Variants in IQSEC3 observed in about 807,000 individuals in gnomAD.
IQSEC3 encodes the protein IQ motif and SEC7 domain-containing protein 3.
A neutral mutation model predicts 105.4 loss-of-function variants in IQSEC3; 50 were observed. That is an observed-to-expected ratio of 0.47 (90% confidence interval 0.38 to 0.60). IQSEC3 has a LOEUF of 0.60. Ranked by LOEUF, IQSEC3 falls within the 20% of genes least tolerant of loss-of-function variation. The pLI, the probability that IQSEC3 is intolerant of heterozygous loss-of-function variation, is 0.00. For synonymous variants in IQSEC3, 708 were observed against 746.0 expected (o/e 0.95, Z 0.83); for missense variants, 1,415 against 1,630.0 (o/e 0.87, Z 2.27).
At chr12:144,809 A>T (rs1866193788) in intron 5 of IQSEC3, among the ~76,000 whole-genome samples, 1 of 152,244 alleles carries the variant, frequency 6.6e-6, no homozygotes, top group African/African-American at 2.4e-5. Context: ...AAAGAGCCAC[A>T]CCCATTCCAG....
intron 2 of IQSEC3, chr12:106,950 G>C (rs1356595588): frequency 6.6e-6 from 1 of 152,184 alleles, no homozygotes; most frequent in Non-Finnish European, 1.5e-5. Flanking sequence ...TATAGCAAGA[G>C]TGATTTGATC....
At chr12:126,436 C>G (rs1865412162) in intron 3 of IQSEC3, among the ~76,000 whole-genome samples, 1 of 152,188 alleles carries the variant, frequency 6.6e-6, no homozygotes. Context: ...GGGCCTGGGC[C>G]TCCATTTTCC....
intron 1 of IQSEC3, among the ~76,000 whole-genome samples, chr12:77,958 C>G (rs569702792): frequency 2.0e-4 from 30 of 152,054 alleles, no homozygotes; most frequent in African/African-American, 7.0e-4. Flanking sequence ...CGCGCCCCCT[C>G]CCAGCGTCCA....
intron 2 of IQSEC3, among the ~76,000 whole-genome samples, chr12:115,931 G>C (rs1223181174): frequency 1.3e-5 from 2 of 152,178 alleles, no homozygotes; most frequent in Admixed American, 1.3e-4. Context: ...AAGACACCAA[G>C]AGCGATAAGA....
chr12:73,820 T>C (rs1228590083), intron 1 of IQSEC3, among the ~76,000 whole-genome samples: 6 of 152,278 alleles, frequency 3.9e-5, no homozygotes, highest in African/African-American at 9.6e-5. Flanking sequence ...TGCTCTATTC[T>C]CATTTAGCCA....
chr12:138,345 C>G lies in IQSEC3; in HGVS notation c.982C>G (p.Gln328Glu). The G allele has an allele frequency of 6.2e-7, 1 of 1,613,796 alleles. No individual in the cohort carries two copies. The change falls in exon 4 of 14, where the codon CAA becomes GAA. Residue 328 changes from glutamine to glutamate, a missense_variant. This residue lies in a region of IQSEC3 where 720 missense variants were observed against 633.0 expected (regional missense o/e 1.14). Transcript: ENST00000538872. The surrounding 1 kb of genome is among the most constrained non-coding windows in gnomAD (Gnocchi z 7.1). ...TTGCACCATCCAAACCGCCTTCCGCCAATACCAGCTCAGCAAGAACTTCGA... is the reference window on the plus strand; with the variant it reads ...TTGCACCATCCAAACCGCCTTCCGCGAATACCAGCTCAGCAAGAACTTCGA... ...AACTIQTAFR[Q>E]YQLSKNFEKI...
rs1226268780 is a variant in IQSEC3 at position 125,718 on chromosome 12, C to T, written c.709C>T (p.His237Tyr). 5 of 1,533,586 alleles carry T rather than the reference C, an allele frequency of 3.3e-6. No individual in the cohort carries two copies. The African/African-American group carries it at 6.9e-5, about 21-fold the overall frequency. 95.0% of individuals were successfully genotyped at this position (1,533,586 alleles called of 1,614,324 possible). A position where few individuals can be genotyped will look rare whatever the true frequency, so the allele number is the denominator to read the frequency against. The change falls in exon 3 of 14, where the codon CAT (histidine) becomes TAT (tyrosine). Residue 237 changes from histidine (H) to tyrosine (Y), a missense_variant. His to Tyr is a moderately conservative substitution (Grantham distance 83). Around this residue, in one of 6 missense-constraint regions of IQSEC3, gnomAD observed 720 missense variants for 633.0 expected, o/e 1.14. Coordinates refer to ENST00000538872, the MANE Select transcript of IQSEC3 (RefSeq NM_001170738.2). ...AAVAAGRPSAHAPKAQAQELQ... is the reference protein window; with the variant it reads ...AAVAAGRPSAYAPKAQAQELQ... The stretch of plus-strand genomic sequence containing the variant: ...GGTGGCAGCCGGCAGACCCAGTGCC[C>T]ATGCCCCGAAGGCTCAAGCCCAGGA...
At chr12:168,881 TCCGTGTTTCACAGCATGTACTGGGA>T (rs1365912970) in intron 11 of IQSEC3, 107 bp from the exon 12 acceptor site, 32 of 763,536 alleles carry the variant, frequency 4.2e-5, no homozygotes, top group Non-Finnish European at 6.1e-5. Flanking sequence ...AGACCCGAGG[TCCGTGTTTCACAGCATGTACTGGGA>T]CCTCTCCTCC....
In IQSEC3 at chr12:125,141, G is replaced by A. The variant is rs530260637; in HGVS notation, c.624-492G>A. Among the ~76,000 whole-genome samples the A allele has an allele frequency of 8.5e-5, 13 of 152,236 alleles. No homozygotes were observed. In the South Asian group the frequency reaches 1.2e-3, roughly 15 times the overall value. ...CACCTGAGCCTGTGCCCAAGGAGCCGGGCCACCGATACTTACAATAGGTAA... is the reference window on the plus strand; with the variant it reads ...CACCTGAGCCTGTGCCCAAGGAGCCAGGCCACCGATACTTACAATAGGTAA... On this transcript the variant is annotated intron_variant, in intron 2 of 13. Coordinates refer to ENST00000538872, the MANE Select transcript of IQSEC3 (RefSeq NM_001170738.2).
At chr12:100,956 T>C (rs1565395241) in intron 2 of IQSEC3, among the ~76,000 whole-genome samples, 1 of 152,080 alleles carries the variant, frequency 6.6e-6, no homozygotes, top group African/African-American at 2.4e-5. Context: ...CGAGTCTTCT[T>C]CCTAGAAACT....
intron 5 of IQSEC3, among the ~76,000 whole-genome samples, chr12:153,895 G>A (rs1175822922): frequency 6.6e-6 from 1 of 152,200 alleles, no homozygotes; most frequent in Non-Finnish European, 1.5e-5. Flanking sequence ...GGGAGATCTT[G>A]CAGAGAATGC....
intron 13 of IQSEC3, among the ~76,000 whole-genome samples, chr12:173,491 A>G (rs1053788113): frequency 1.2e-4 from 18 of 152,146 alleles, no homozygotes; most frequent in African/African-American, 4.3e-4. Context: ...GCTCCGGGAT[A>G]GTTCTGGGCT....
At position 174,798 on chromosome 12, in the gene IQSEC3, C is replaced by T; in HGVS notation, c.3314C>T (p.Pro1105Leu). The T allele has an allele frequency of 6.3e-7, 1 of 1,585,864 alleles. No individual in the cohort carries two copies. The highest frequency in any genetic ancestry group is 8.5e-7 in the Non-Finnish European group (1 of 1,174,618). Residue 1105 changes from proline (P) to leucine (L), a missense_variant, in exon 14 of 14, where the codon CCC becomes CTC. Pro to Leu is a moderately conservative substitution (Grantham distance 98). Around this residue, in one of 6 missense-constraint regions of IQSEC3, gnomAD observed 419 missense variants for 436.2 expected, o/e 0.96. Coordinates refer to ENST00000538872, the MANE Select transcript of IQSEC3 (RefSeq NM_001170738.2). Reference protein sequence around the residue: ...QIVKVIVLDKPCLARMEPLLS... With the variant: ...QIVKVIVLDKLCLARMEPLLS... ...GTCAAGGTCATTGTCCTGGACAAGC[C>T]CTGCCTGGCCCGCATGGAGCCCCTG...
At chr12:130,723 G>C (rs1391243144) in intron 3 of IQSEC3, among the ~76,000 whole-genome samples, 1 of 152,206 alleles carries the variant, frequency 6.6e-6, no homozygotes, top group Non-Finnish European at 1.5e-5. Flanking sequence ...CAGACAGCAG[G>C]CTGGGAGGAG....
At chr12:170,166 G>A (rs762461841) in intron 12 of IQSEC3, among the ~76,000 whole-genome samples, 2 of 152,196 alleles carry the variant, frequency 1.3e-5, no homozygotes, top group Non-Finnish European at 1.5e-5. Flanking sequence ...ACCTGCCATC[G>A]TGCGTCCGTA....
At chr12:86,598 A>G (rs184013594) in intron 1 of IQSEC3, among the ~76,000 whole-genome samples, 1 of 152,284 alleles carries the variant, frequency 6.6e-6, no homozygotes, top group Admixed American at 6.5e-5. Context: ...TCAGGCAAAG[A>G]TATTAACAGG....
intron 1 of IQSEC3, among the ~76,000 whole-genome samples, chr12:90,941 C>A (rs1052237973): frequency 2.6e-5 from 4 of 152,170 alleles, no homozygotes; most frequent in South Asian, 2.1e-4. Flanking sequence ...AGTCTGCAGG[C>A]TCCACCAGCA....
chr12:124,417 GA>G (rs1185960793), intron 2 of IQSEC3, among the ~76,000 whole-genome samples: 4 of 148,786 alleles, frequency 2.7e-5, no homozygotes, highest in Admixed American at 2.0e-4. Context: ...AAAAGAAAAA[GA>G]AAGTTTATTT....
chr12:72,149 C>A, intron 1 of IQSEC3, among the ~76,000 whole-genome samples: 1 of 152,260 alleles, frequency 6.6e-6, no homozygotes, highest in Non-Finnish European at 1.5e-5. Context: ...GCAGTGAATG[C>A]CATAGGGCCT....
Sources: allele counts gnomAD v4.1 joint callset (sites outside exome capture counted in the v4.1 genomes callset), GRCh38; gene constraint gnomAD v4.1.1; regional missense constraint gnomAD v4.1.1; non-coding constraint Gnocchi (gnomAD v3.1); transcripts MANE v1.5; gene names NCBI Gene and HGNC (gene_info 2026-07-23, HGNC 2026-07-21).